The following SERPINE2 variants were observed in gnomAD, a reference collection of about 807,000 sequenced individuals.
SERPINE2 encodes serpin family E member 2, also known as glia-derived nexin.
A neutral mutation model predicts 36.3 loss-of-function variants in SERPINE2; 14 were observed. The observed-to-expected ratio is 0.39, with a 90% confidence interval of 0.25 to 0.60. The LOEUF is 0.60. Ranked by LOEUF, SERPINE2 falls within the 20% of genes least tolerant of loss-of-function variation. The pLI is 0.57. For synonymous variants in SERPINE2, 192 were observed against 191.8 expected (o/e 1.00, Z -0.01); for missense variants, 418 against 499.6 (o/e 0.84, Z 1.56).
chr2:224,031,434 A>G, intron 1 of SERPINE2: 2 of 985,700 alleles, frequency 2.0e-6, no homozygotes, highest in Non-Finnish European at 2.4e-6. Context: ...GGGGAACGCC[A>G]GGCAGCACGG....
chr2:223,995,972 AT>A (rs1690873269), intron 3 of SERPINE2, among the ~76,000 whole-genome samples: 1 of 152,218 alleles, frequency 6.6e-6, no homozygotes, highest in South Asian at 2.1e-4. Flanking sequence ...ACTGTCTCAA[AT>A]TTTTAAAAAT....
intron 7 of SERPINE2, 54 bp from the exon 8 acceptor site, chr2:223,977,681 A>G: frequency 1.6e-6 from 2 of 1,220,972 alleles, no homozygotes; most frequent in Non-Finnish European, 2.4e-6. Context: ...CCATGTAAGC[A>G]TAAGGCCAGC....
Position 224,030,190 on chromosome 2 carries a change from C to T in SERPINE2, c.-23+8909G>A, listed in dbSNP as rs541765099. On this transcript the variant is annotated intron_variant, in intron 1 of 8. Coordinates refer to ENST00000409304, the MANE Select transcript of SERPINE2 (RefSeq NM_001136528.2). ...CAGCCTTCCTTTGCTTCATGGCCAA[C>T]GCACAAGAGCCTGAAGCCTGCGGGC... The T allele has an allele frequency of 8.1e-6, 8 of 985,270 alleles. No homozygotes were observed. In the African/African-American group the frequency reaches 8.7e-5, roughly 11 times the overall value. The allele number at this position is 985,270 out of a possible 1,614,324, so 61.0% of individuals were successfully genotyped here. A position where few individuals can be genotyped will look rare whatever the true frequency, so the allele number is the denominator to read the frequency against.
chr2:224,000,210 T>C lies in SERPINE2; in HGVS notation c.259+1432A>G, dbSNP rs377420247. ...GAAGAACACGGGCAGGAAGACTCCCTTGTTTCCAACGAAGGGAGCAGACCT... is the reference window on the plus strand; with the variant it reads ...GAAGAACACGGGCAGGAAGACTCCCCTGTTTCCAACGAAGGGAGCAGACCT... On this transcript the variant is annotated intron_variant, in intron 2 of 8. Transcript: ENST00000409304. Among the ~76,000 whole-genome samples the C allele has an allele frequency of 6.2e-4, 94 of 152,256 alleles. No homozygotes were observed. The East Asian group carries it at 0.014, about 23-fold the overall frequency.
intron 7 of SERPINE2, 115 bp downstream of exon 7, chr2:223,980,196 C>T (rs1690169050): frequency 3.6e-6 from 3 of 832,974 alleles, no homozygotes; most frequent in Non-Finnish European, 6.0e-6. Flanking sequence ...GGTTAACCCA[C>T]ACACACTGCC....
rs909197712 is a variant in SERPINE2 at position 223,993,451 on chromosome 2, T to C, written c.488-1451A>G. ...AGGTTCAGTTGTGTGTGTGTCTGTA[T>C]GTATGTGTGTTTTTAAATAGGGATC... On this transcript the variant is annotated intron_variant, in intron 3 of 8. Coordinates refer to ENST00000409304, the MANE Select transcript of SERPINE2 (RefSeq NM_001136528.2). Among the ~76,000 whole-genome samples the C allele has an allele frequency of 3.9e-4, 43 of 110,526 alleles. 1 individual carries two copies. The highest frequency in any genetic ancestry group is 2.0e-3 in the Admixed American group (22 of 11,258). 72.5% of individuals were successfully genotyped at this position (110,526 alleles called of 152,430 possible).
chr2:224,013,657 T>C (rs1224063065), intron 1 of SERPINE2, among the ~76,000 whole-genome samples: 2 of 152,196 alleles, frequency 1.3e-5, no homozygotes, highest in South Asian at 2.1e-4. Context: ...ACCTGAATGA[T>C]AGAGCTGGCT....
At chr2:224,037,832 G>T (rs1055957889) in intron 1 of SERPINE2, among the ~76,000 whole-genome samples, 4 of 152,144 alleles carry the variant, frequency 2.6e-5, no homozygotes, top group Non-Finnish European at 4.4e-5. Context: ...AATAAAATAC[G>T]ATGACATTTT....
intron 1 of SERPINE2, among the ~76,000 whole-genome samples, chr2:224,014,298 C>A (rs1483798948): frequency 6.6e-6 from 1 of 151,978 alleles, no homozygotes; most frequent in Non-Finnish European, 1.5e-5. Flanking sequence ...TCACTAGAAC[C>A]GAGGAGGCAG....
intron 2 of SERPINE2, among the ~76,000 whole-genome samples, chr2:223,999,539 G>A (rs13392374): frequency 0.22 from 34,175 of 151,954 alleles, 4,213 homozygotes; most frequent in African/African-American, 0.32. Flanking sequence ...GCTTTACAAC[G>A]TGCATGGCCC....
In SERPINE2 at chr2:223,982,894, T is replaced by G. The variant is rs976831190; in HGVS notation, c.885-113A>C. ...TTTAAAGTTAATATCTGAATACCGATCTGAATTGCATCTTAAATTTGAATT... is the reference window on the plus strand; with the variant it reads ...TTTAAAGTTAATATCTGAATACCGAGCTGAATTGCATCTTAAATTTGAATT... On this transcript the variant is annotated intron_variant, in intron 5 of 8. Transcript: ENST00000409304. The G allele has an allele frequency of 5.0e-5, 34 of 673,594 alleles. No homozygotes were observed. The East Asian group carries it at 9.6e-4, about 19-fold the overall frequency. The allele number at this position is 673,594 out of a possible 1,614,324, so 41.7% of individuals were successfully genotyped here. A position where few individuals can be genotyped will look rare whatever the true frequency, so the allele number is the denominator to read the frequency against.
chr2:224,024,417 G>A (rs1324887139), intron 1 of SERPINE2, among the ~76,000 whole-genome samples: 1 of 152,176 alleles, frequency 6.6e-6, no homozygotes, highest in Non-Finnish European at 1.5e-5. Context: ...ACTGAGCTTC[G>A]TCCTGTAACC....
intron 1 of SERPINE2, among the ~76,000 whole-genome samples, chr2:224,029,886 G>T (rs1009315011): frequency 6.6e-6 from 1 of 152,138 alleles, no homozygotes; most frequent in Admixed American, 6.5e-5. Flanking sequence ...TTTTAGTAGA[G>T]ACAGGGTTTC....
At chr2:223,991,734 G>T in intron 4 of SERPINE2, 69 bp downstream of exon 4, 1 of 1,492,074 alleles carries the variant, frequency 6.7e-7, no homozygotes, top group Non-Finnish European at 9.3e-7. Context: ...CTGGAATTAA[G>T]TTAAAGCACT....
intron 1 of SERPINE2, among the ~76,000 whole-genome samples, chr2:224,004,628 G>GA (rs777077664): frequency 1.3e-5 from 2 of 152,144 alleles, no homozygotes; most frequent in South Asian, 4.2e-4. Context: ...CTAAAAACTA[G>GA]AAACTGTGTT....
intron 1 of SERPINE2, among the ~76,000 whole-genome samples, 195 bp from the exon 2 acceptor site, chr2:224,002,117 C>G (rs1691201382): frequency 6.6e-6 from 1 of 151,918 alleles, no homozygotes; most frequent in South Asian, 2.1e-4. Context: ...GCTGGAATTA[C>G]AGGCGTGTAC....
At position 224,027,103 on chromosome 2, in the gene SERPINE2, G is replaced by A. The variant is rs189135201; in HGVS notation, c.-23+11996C>T. Among the ~76,000 whole-genome samples, 117 of 152,318 alleles carry A rather than the reference G, an allele frequency of 7.7e-4. 3 individuals are homozygous for A. In the Middle Eastern group the frequency reaches 0.037, roughly 49 times the overall value. On this transcript the variant is annotated intron_variant, in intron 1 of 8. Transcript: ENST00000409304. The stretch of plus-strand genomic sequence containing the variant: ...CTATGTGCCAACATTTCCCTCTGCA[G>A]AGAGATTTACCTCTGGCACAAAGTA...
At chr2:223,990,383 C>T (rs1423335866) in intron 4 of SERPINE2, among the ~76,000 whole-genome samples, 1 of 152,146 alleles carries the variant, frequency 6.6e-6, no homozygotes, top group Non-Finnish European at 1.5e-5. Flanking sequence ...AAAAGCTACC[C>T]TGACATGTAA....
At chr2:223,998,045 T>G (rs917370589) in intron 3 of SERPINE2, 70 bp downstream of exon 3, 8 of 1,305,958 alleles carry the variant, frequency 6.1e-6, no homozygotes, top group African/African-American at 1.5e-5. Flanking sequence ...GACACCACTT[T>G]GAACCCTGGA....
Sources: allele counts gnomAD v4.1 joint callset (sites outside exome capture counted in the v4.1 genomes callset), GRCh38; gene constraint gnomAD v4.1.1; transcripts MANE v1.5; gene names NCBI Gene and HGNC (gene_info 2026-07-23, HGNC 2026-07-21).